Variants in ADGRV1 observed in about 807,000 individuals in gnomAD.
ADGRV1 encodes the protein G-protein coupled receptor 98.
A neutral mutation model predicts 596.2 loss-of-function variants in ADGRV1; 359 were observed. The ratio of observed to expected loss-of-function variants is 0.60; its 90% CI spans 0.55 to 0.66. The LOEUF (loss-of-function observed/expected upper bound fraction) is 0.66, where lower values mean the gene tolerates loss of function less well. Ranked by LOEUF, ADGRV1 falls within the 30% of genes least tolerant of loss-of-function variation. The pLI is 0.00. For missense variants in ADGRV1, 7,274 were observed against 7,575.6 expected, an observed-to-expected ratio of 0.96 and a Z score of 1.48; for synonymous variants, 2,681 against 2,679.2, an observed-to-expected ratio of 1.00 and a Z score of -0.02.
Position 90,796,827 on chromosome 5 carries a change from TAAAG to T in ADGRV1, c.14517+5485_14517+5488del, listed in dbSNP as rs535984858. Among the ~76,000 whole-genome samples, 946 of 152,232 alleles carry T rather than the reference TAAAG, an allele frequency of 6.2e-3. 9 individuals carry two copies. The highest frequency in any genetic ancestry group is 0.022 in the African/African-American group (903 of 41,542). Reference sequence around the variant, plus strand: ...AGTGGGGGCCAATATTCAACATTCTTAAAGAAAAGAATTTTCAACCCAGAATTTC... The same window carrying T: ...AGTGGGGGCCAATATTCAACATTCTTAAAAGAATTTTCAACCCAGAATTTC... On this transcript the variant is annotated intron_variant, in intron 70 of 89. Coordinates refer to ENST00000405460, the MANE Select transcript of ADGRV1 (RefSeq NM_032119.4).
At chr5:90,938,670 G>A (rs1332632708) in intron 83 of ADGRV1, among the ~76,000 whole-genome samples, 1 of 152,154 alleles carries the variant, frequency 6.6e-6, no homozygotes, top group African/African-American at 2.4e-5. Flanking sequence ...ATATATGACA[G>A]CAGACAGATC....
chr5:91,143,125 G>T (rs557572137), intron 87 of ADGRV1, among the ~76,000 whole-genome samples: 2 of 152,192 alleles, frequency 1.3e-5, no homozygotes, highest in Non-Finnish European at 2.9e-5. Flanking sequence ...TAGGCATCCC[G>T]CAAGTAGCTT....
chr5:90,774,238 A>C lies in ADGRV1; in HGVS notation c.12338A>C (p.Glu4113Ala). The C allele has an allele frequency of 6.2e-7, 1 of 1,611,590 alleles. No homozygotes were observed. The highest frequency in any genetic ancestry group is 8.5e-7 in the Non-Finnish European group (1 of 1,177,908). ...CACACACTTCAAGACACAGTGTTGG[A>C]GGAGGACAGGCGTTTCACCATTCAG... The part of the protein sequence containing the change: ...VLHTLQDTVL[E>A]EDRRFTIQLI... Residue 4113 changes from glutamate (E) to alanine (A), a missense_variant, in exon 60 of 90, where the codon GAG becomes GCG. Coordinates refer to ENST00000405460, the MANE Select transcript of ADGRV1 (RefSeq NM_032119.4).
chr5:90,737,303 A>G (rs1753368568), intron 50 of ADGRV1, among the ~76,000 whole-genome samples: 2 of 151,984 alleles, frequency 1.3e-5, no homozygotes, highest in South Asian at 2.1e-4. Flanking sequence ...CATACTTGCT[A>G]TGCTTTCAGT....
rs377619015 is a variant in ADGRV1 at position 90,791,303 on chromosome 5, A to G, written c.14474A>G (p.Asp4825Gly). 3.1e-6 allele frequency: 5 copies of G among 1,591,306 alleles called. No individual in the cohort carries two copies. The highest frequency in any genetic ancestry group is 1.8e-5 in the Admixed American group (1 of 56,012). Residue 4825 changes from aspartate to glycine, a missense_variant, in exon 70 of 90, where the codon GAT becomes GGT. Asp to Gly is a moderately conservative substitution (Grantham distance 94). This residue lies in a region of ADGRV1 where 1,874 missense variants were observed against 1,970.2 expected (regional missense o/e 0.95). Coordinates refer to ENST00000405460, the MANE Select transcript of ADGRV1 (RefSeq NM_032119.4). ...GCAGAGAGGCAGCTGGTGGTCAAAG[A>G]TGGTGCCACATATAAAGTGGACGTG... is the stretch of plus-strand genomic sequence containing the variant. ...ENAERQLVVK[D>G]GATYKVDVVP...
chr5:90,840,395 A>G (rs542182834), intron 77 of ADGRV1, among the ~76,000 whole-genome samples, 183 bp from the exon 78 acceptor site: 2 of 152,204 alleles, frequency 1.3e-5, no homozygotes, highest in Non-Finnish European at 2.9e-5. Context: ...TTATGTATTT[A>G]TCTCTCTAAT....
intron 82 of ADGRV1, among the ~76,000 whole-genome samples, chr5:90,856,576 C>T (rs775886585): frequency 1.3e-5 from 2 of 152,122 alleles, no homozygotes; most frequent in Non-Finnish European, 1.5e-5. Context: ...CCACCCTCAC[C>T]CATTCTGTGC....
chr5:90,691,942 T>C (rs1228522019), intron 31 of ADGRV1, among the ~76,000 whole-genome samples: 1 of 152,208 alleles, frequency 6.6e-6, no homozygotes, highest in African/African-American at 2.4e-5. Flanking sequence ...ATACATTGGC[T>C]GAAGATAATT....
chr5:90,743,632 C>T (rs897342522), intron 50 of ADGRV1, among the ~76,000 whole-genome samples: 35 of 151,800 alleles, frequency 2.3e-4, no homozygotes, highest in African/African-American at 7.5e-4. Flanking sequence ...CCACCATGCC[C>T]GGCTAATTTT....
intron 37 of ADGRV1, 27 bp downstream of exon 37, chr5:90,705,606 G>T: frequency 6.3e-7 from 1 of 1,584,112 alleles, no homozygotes; most frequent in Non-Finnish European, 8.6e-7. Flanking sequence ...AATGAATGGG[G>T]TTTCCAGGCA....
intron 83 of ADGRV1, among the ~76,000 whole-genome samples, chr5:90,938,018 T>G (rs1005574651): frequency 7.2e-5 from 11 of 152,218 alleles, no homozygotes; most frequent in Admixed American, 2.0e-4. Context: ...TGTCTTGATT[T>G]TTGTTCCGTT....
At chr5:90,867,685 G>T (rs746298722) in intron 83 of ADGRV1, among the ~76,000 whole-genome samples, 1 of 152,292 alleles carries the variant, frequency 6.6e-6, no homozygotes, top group African/African-American at 2.4e-5. Context: ...AGCAGCTTGC[G>T]CTGCTTTGTT....
At chr5:91,134,832 A>G (rs1794499333) in intron 87 of ADGRV1, among the ~76,000 whole-genome samples, 1 of 152,194 alleles carries the variant, frequency 6.6e-6, no homozygotes, top group African/African-American at 2.4e-5. Flanking sequence ...ATTTAAAGTC[A>G]AGGTATAAAT....
At chr5:90,836,992 T>C (rs1765023010) in intron 77 of ADGRV1, among the ~76,000 whole-genome samples, 1 of 152,258 alleles carries the variant, frequency 6.6e-6, no homozygotes, top group Admixed American at 6.5e-5. Flanking sequence ...TGTTATGATA[T>C]TGATTTTCAT....
At chr5:90,991,694 A>G (rs1780979956) in intron 85 of ADGRV1, among the ~76,000 whole-genome samples, 1 of 152,218 alleles carries the variant, frequency 6.6e-6, no homozygotes, top group African/African-American at 2.4e-5. Flanking sequence ...CTAAATTACC[A>G]GTTTTGCTAA....
Position 90,658,042 on chromosome 5 carries a change from G to T in ADGRV1, c.4516G>T (p.Asp1506Tyr). The T allele has an allele frequency of 1.2e-6, 2 of 1,613,938 alleles. No homozygotes were observed. Among genetic ancestry groups the T allele is most frequent in the Non-Finnish European group, 1.7e-6 (2 of 1,179,862 alleles). ...YELHAMPAKS[D>Y]LHPISGYLEF... The stretch of plus-strand genomic sequence containing the variant: ...ACTTCATGCCATGCCCGCAAAAAGT[G>T]ATTTACACCCAATTTCTGGATATCT... The change falls in exon 21 of 90, where the codon GAT becomes TAT. Residue 1506 changes from aspartate (D) to tyrosine (Y), a missense_variant. By Grantham distance (160) the Asp-to-Tyr change is radical. This residue lies in a region of ADGRV1 where 3,643 missense variants were observed against 3,809.2 expected (regional missense o/e 0.96). Coordinates refer to ENST00000405460, the MANE Select transcript of ADGRV1 (RefSeq NM_032119.4).
intron 85 of ADGRV1, among the ~76,000 whole-genome samples, chr5:91,029,059 A>G (rs1470538902): frequency 6.6e-6 from 1 of 152,030 alleles, no homozygotes; most frequent in African/African-American, 2.4e-5. Context: ...TTTTTTCTTT[A>G]GGGTTTTTAA....
At chr5:90,650,547 T>C (rs1365136432) in intron 17 of ADGRV1, among the ~76,000 whole-genome samples, 2 of 152,238 alleles carry the variant, frequency 1.3e-5, no homozygotes. Context: ...TTTGTTTCTA[T>C]AATTTTAGCT....
chr5:91,067,800 T>A (rs1385884314), intron 85 of ADGRV1, among the ~76,000 whole-genome samples: 1 of 152,236 alleles, frequency 6.6e-6, no homozygotes, highest in African/African-American at 2.4e-5. Flanking sequence ...GGCTACTTGC[T>A]GTCAATGGAA....
Sources: gnomAD v4.1 joint callset for allele counts (sites outside exome capture counted in the v4.1 genomes callset) on GRCh38, gnomAD v4.1.1 for gene constraint, gnomAD v4.1.1 regional missense constraint, MANE v1.5 for transcripts, NCBI Gene and HGNC (gene_info 2026-07-23, HGNC 2026-07-21) for gene names.